EPB41L1: variants seen among roughly 807,000 people sequenced by gnomAD.
EPB41L1 encodes the protein erythrocyte membrane protein band 4.1 like 1, also known as band 4.1-like protein 1.
EPB41L1 carries 29 observed loss-of-function variants against 97.8 expected under a neutral mutation model. The observed-to-expected ratio is 0.30, with a 90% confidence interval of 0.22 to 0.40. EPB41L1 has a LOEUF of 0.40. Ranked by LOEUF, EPB41L1 falls within the 10% of genes least tolerant of loss-of-function variation. The pLI, the probability that EPB41L1 is intolerant of heterozygous loss-of-function variation, is 1.00. For missense variants in EPB41L1, 812 were observed against 1,162.3 expected (o/e 0.70, Z 4.38); for synonymous variants, 383 against 459.2 (o/e 0.83, Z 2.12).
intron 9 of EPB41L1, 110 bp downstream of exon 9, chr20:36,188,609 C>T (rs1282679749): frequency 1.7e-6 from 1 of 587,138 alleles, no homozygotes; most frequent in African/African-American, 2.2e-5. Context: ...CACACACACA[C>T]ACACACACAC....
At chr20:36,163,964 C>A (rs1395510308) in intron 1 of EPB41L1, among the ~76,000 whole-genome samples, 2 of 152,208 alleles carry the variant, frequency 1.3e-5, no homozygotes, top group East Asian at 3.8e-4. Context: ...CTGCCTCAGC[C>A]TCCCTAGTAG....
rs1389484351 is a variant in EPB41L1 at position 36,212,780 on chromosome 20, C to G, written c.2184+404C>G. Among the ~76,000 whole-genome samples the G allele has an allele frequency of 6.6e-6, 1 of 152,150 alleles. No individual in the cohort carries two copies. The highest frequency in any genetic ancestry group is 1.5e-5 in the Non-Finnish European group (1 of 68,022). The stretch of plus-strand genomic sequence containing the variant: ...TTGAGGAGAGAAGAGGGAGAGATCC[C>G]AATTCAGCTTCAGTCAGAATAGCTC... On this transcript the variant is annotated intron_variant, in intron 16 of 21. Coordinates refer to ENST00000338074, the MANE Select transcript of EPB41L1 (RefSeq NM_012156.2). The surrounding 1 kb of genome is among the most constrained non-coding windows in gnomAD (Gnocchi z 4.8).
At chr20:36,173,361 C>G (rs958715966) in intron 1 of EPB41L1, among the ~76,000 whole-genome samples, 4 of 152,204 alleles carry the variant, frequency 2.6e-5, no homozygotes, top group Non-Finnish European at 5.9e-5. Context: ...TTCTGTGCAT[C>G]CAGCTTTGCT....
intron 14 of EPB41L1, among the ~76,000 whole-genome samples, chr20:36,205,015 T>C (rs2062721198): frequency 6.6e-6 from 1 of 152,208 alleles, no homozygotes; most frequent in African/African-American, 2.4e-5. Flanking sequence ...ATTGAGTTCT[T>C]TTCTGCTCTT....
chr20:36,139,739 TA>T (rs1321194871), intron 2 of EPB41L1, among the ~76,000 whole-genome samples: 2 of 151,770 alleles, frequency 1.3e-5, no homozygotes, highest in Non-Finnish European at 2.9e-5. Flanking sequence ...ATTATTTATT[TA>T]TTTTTTTTAA....
intron 1 of EPB41L1, among the ~76,000 whole-genome samples, chr20:36,106,040 C>T (rs536304068): frequency 1.3e-5 from 2 of 152,282 alleles, no homozygotes; most frequent in South Asian, 4.1e-4. Flanking sequence ...AGTCCAAGGG[C>T]CTCTGGGTGA....
At chr20:36,140,768 C>G (rs2059606955) in intron 2 of EPB41L1, among the ~76,000 whole-genome samples, 1 of 152,158 alleles carries the variant, frequency 6.6e-6, no homozygotes, top group African/African-American at 2.4e-5. Context: ...CTGATTTCAT[C>G]TCCTCTCTTC....
At chr20:36,199,544 C>CT (rs2062383513) in intron 14 of EPB41L1, among the ~76,000 whole-genome samples, 1 of 152,190 alleles carries the variant, frequency 6.6e-6, no homozygotes, top group Non-Finnish European at 1.5e-5. Context: ...GAGAGAGCTA[C>CT]TGGGGTGGCT....
intron 2 of EPB41L1, 146 bp from the exon 3 acceptor site, chr20:36,175,405 C>G: frequency 1.1e-6 from 1 of 888,882 alleles, no homozygotes; most frequent in Non-Finnish European, 1.8e-6. Context: ...GCCATGGACC[C>G]TAGTTGCCCT....
chr20:36,170,866 C>CTTT (rs774641181), intron 1 of EPB41L1, among the ~76,000 whole-genome samples: 2 of 152,216 alleles, frequency 1.3e-5, no homozygotes, highest in Non-Finnish European at 2.9e-5. Context: ...CTCCTCTCCT[C>CTTT]TGTCGTTCTG....
At chr20:36,199,606 G>T (rs1398704897) in intron 14 of EPB41L1, among the ~76,000 whole-genome samples, 1 of 152,206 alleles carries the variant, frequency 6.6e-6, no homozygotes, top group Non-Finnish European at 1.5e-5. Flanking sequence ...CTTTAAGGCT[G>T]GTGCTGTGGA....
At position 36,099,250 on chromosome 20, in the gene EPB41L1, A is replaced by G. The variant is rs742693; in HGVS notation, c.-65+7638A>G. ...CATGGTCATGAGACTTGATCAAAATAACAGATATGAGCATGCCTAATGAGG... is the reference window on the plus strand; with the variant it reads ...CATGGTCATGAGACTTGATCAAAATGACAGATATGAGCATGCCTAATGAGG... On this transcript the variant is annotated intron_variant, in intron 1 of 19. Coordinates refer to the EPB41L1 transcript ENST00000202028. Among the ~76,000 whole-genome samples the G allele has an allele frequency of 6.2e-3, 939 of 152,196 alleles. 6 individuals carry two copies. Among genetic ancestry groups the G allele is most frequent in the African/African-American group, 0.02 (850 of 41,468 alleles).
At chr20:36,121,428 T>C (rs375723981) in intron 2 of EPB41L1, among the ~76,000 whole-genome samples, 8 of 152,148 alleles carry the variant, frequency 5.3e-5, no homozygotes, top group African/African-American at 1.9e-4. Context: ...GCCCATGTGC[T>C]GGGGGTCAGG....
intron 1 of EPB41L1, among the ~76,000 whole-genome samples, chr20:36,157,201 A>T (rs1168747356): frequency 6.6e-6 from 1 of 152,054 alleles, no homozygotes. Context: ...TCCAGCCTGG[A>T]GACAGAGCGA....
chr20:36,177,495 A>G (rs1301683092), intron 3 of EPB41L1, among the ~76,000 whole-genome samples: 1 of 152,130 alleles, frequency 6.6e-6, no homozygotes, highest in African/African-American at 2.4e-5. Flanking sequence ...AGGGAGGGTC[A>G]CACTGTGACC....
chr20:36,156,782 G>A (rs986049201), intron 1 of EPB41L1, among the ~76,000 whole-genome samples: 1 of 152,194 alleles, frequency 6.6e-6, no homozygotes, highest in East Asian at 1.9e-4. Flanking sequence ...ATAGAGCTGA[G>A]AGGATGCCAG....
chr20:36,195,322 C>T lies in EPB41L1; in HGVS notation c.1450-7C>T. 1 of 1,614,094 alleles carries T rather than the reference C, an allele frequency of 6.2e-7. No homozygotes were observed. The highest frequency in any genetic ancestry group is 1.1e-5 in the South Asian group (1 of 91,076). On this transcript the variant is annotated splice_region_variant and splice_polypyrimidine_tract_variant and intron_variant, in intron 12 of 21. Coordinates refer to ENST00000338074, the MANE Select transcript of EPB41L1 (RefSeq NM_012156.2). This position sits in a 1 kb window ranked among gnomAD's most constrained non-coding sequence, Gnocchi z 4.6. ...TGCTTTCTTTCCCTCCTACCACATC[C>T]CACTAGCCGGAGCAGGAAACCACGC... is the stretch of plus-strand genomic sequence containing the variant.
At chr20:36,227,365 A>G (rs1417375145) in intron 21 of EPB41L1, among the ~76,000 whole-genome samples, 1 of 152,204 alleles carries the variant, frequency 6.6e-6, no homozygotes, top group Non-Finnish European at 1.5e-5. Context: ...AGATGGATAC[A>G]ACTAGGTTTT....
chr20:36,212,336 C>T lies in EPB41L1; in HGVS notation c.2144C>T (p.Ala715Val). Residue 715 changes from alanine (A) to valine (V), a missense_variant, in exon 16 of 22, where the codon GCC (alanine) becomes GTC (valine). Physicochemically the swap from Ala to Val is moderately conservative, Grantham distance 64. Transcript: ENST00000338074. This position sits in a 1 kb window ranked among gnomAD's most constrained non-coding sequence, Gnocchi z 4.8. ...ATTAGAAAGAAGATTGAGCCGGAGGCCGTACTGCAGACCAGAGTCTCCGCT... is the reference window on the plus strand; with the variant it reads ...ATTAGAAAGAAGATTGAGCCGGAGGTCGTACTGCAGACCAGAGTCTCCGCT... ...LAIRKKIEPE[A>V]VLQTRVSAMD... The T allele has an allele frequency of 6.2e-7, 1 of 1,614,196 alleles. No homozygotes were observed. The highest frequency in any genetic ancestry group is 8.5e-7 in the Non-Finnish European group (1 of 1,180,036).
Sources: gnomAD v4.1 joint callset for allele counts (sites outside exome capture counted in the v4.1 genomes callset) on GRCh38, gnomAD v4.1.1 for gene constraint, Gnocchi (gnomAD v3.1) non-coding constraint, MANE v1.5 for transcripts, NCBI Gene and HGNC (gene_info 2026-07-23, HGNC 2026-07-21) for gene names.